The following C4orf36 variants were observed in gnomAD, a reference collection of about 807,000 sequenced individuals.
C4orf36 encodes the protein chromosome 4 open reading frame 36, also known as uncharacterized protein C4orf36.
C4orf36 carries 11 observed loss-of-function variants against 12.2 expected under a neutral mutation model. The observed-to-expected ratio is 0.90, with a 90% CI of 0.57 to 1.49. The LOEUF is 1.49. Among genes scored for constraint, C4orf36 ranks in the 40% most tolerant of loss-of-function variants. The pLI, the probability that C4orf36 is intolerant of heterozygous loss-of-function variation, is 0.00. For missense variants in C4orf36, 137 were observed against 133.9 expected, an observed-to-expected ratio of 1.02 and a Z score of -0.11; for synonymous variants, 54 against 51.3, an observed-to-expected ratio of 1.05 and a Z score of -0.22.
At chr4:86,931,717 A>G in the C4orf36 span, among the ~76,000 whole-genome samples, 1 of 152,116 alleles carries the variant, frequency 6.6e-6, no homozygotes, top group Non-Finnish European at 1.5e-5. Flanking sequence ...TCTATTTTTA[A>G]TCATAAGTAT....
chr4:86,908,723 G>T, the C4orf36 span, among the ~76,000 whole-genome samples: 33 of 150,340 alleles, frequency 2.2e-4, no homozygotes, highest in African/African-American at 8.1e-4. Context: ...TATGCTAGAA[G>T]CTGTGATAAC....
At chr4:86,897,923 C>T in the C4orf36 span, among the ~76,000 whole-genome samples, 3 of 152,116 alleles carry the variant, frequency 2.0e-5, no homozygotes, top group Non-Finnish European at 4.4e-5. Flanking sequence ...CAGGCAAGCA[C>T]AAAGCATTAG....
At chr4:86,878,253 C>T (rs1207385596) in intron 4 of C4orf36, among the ~76,000 whole-genome samples, 1 of 152,156 alleles carries the variant, frequency 6.6e-6, no homozygotes, top group Non-Finnish European at 1.5e-5. Flanking sequence ...TCCCCTTCTC[C>T]AGTCTCTGCA....
the C4orf36 span, among the ~76,000 whole-genome samples, chr4:86,910,100 T>C: frequency 2.0e-5 from 3 of 152,166 alleles, no homozygotes; most frequent in Non-Finnish European, 4.4e-5. Context: ...TGCTTCTCTC[T>C]GTGCACTTGC....
chr4:86,899,108 T>C, the C4orf36 span, among the ~76,000 whole-genome samples: 1 of 152,122 alleles, frequency 6.6e-6, no homozygotes, highest in Non-Finnish European at 1.5e-5. Context: ...AATACAGAAC[T>C]TCTCTCGCTG....
At chr4:86,932,345 A>AT in the C4orf36 span, 1 of 90,254 alleles carries the variant, frequency 1.1e-5, no homozygotes, top group African/African-American at 4.1e-5. Context: ...GAAACTTCAT[A>AT]TCAAAAAAAA....
chr4:86,876,528 T>C, intron 4 of C4orf36, 85 bp from the exon 5 acceptor site: 7 of 1,613,926 alleles, frequency 4.3e-6, no homozygotes, highest in Non-Finnish European at 5.9e-6. Flanking sequence ...AATGTCGGAT[T>C]GTGTGAAGCT....
chr4:86,895,272 C>T (rs980530130), upstream of C4orf36, among the ~76,000 whole-genome samples: 3 of 151,954 alleles, frequency 2.0e-5, no homozygotes, highest in South Asian at 2.1e-4. Context: ...GCCATGATCA[C>T]GACTGCACTC....
intron 4 of C4orf36, among the ~76,000 whole-genome samples, chr4:86,880,206 C>T (rs1747018417): frequency 6.6e-6 from 1 of 152,124 alleles, no homozygotes; most frequent in African/African-American, 2.4e-5. Context: ...AGTGTGGTGG[C>T]TCCCACCAAT....
chr4:86,902,757 CT>C, the C4orf36 span, among the ~76,000 whole-genome samples: 6 of 152,208 alleles, frequency 3.9e-5, no homozygotes, highest in Non-Finnish European at 8.8e-5. Flanking sequence ...CCCCCTTACC[CT>C]GCTCTAATCT....
upstream of C4orf36, among the ~76,000 whole-genome samples, chr4:86,892,955 C>A (rs1747486063): frequency 1.3e-5 from 2 of 152,182 alleles, no homozygotes; most frequent in South Asian, 4.1e-4. Flanking sequence ...GATGTCAGAA[C>A]TGGTTTGGAA....
intron 4 of C4orf36, 157 bp downstream of exon 4, chr4:86,887,601 T>A: frequency 1.4e-6 from 1 of 701,448 alleles, no homozygotes; most frequent in East Asian, 2.7e-5. Context: ...ACTCAGAAGA[T>A]CTGTCAGAAC....
the C4orf36 span, chr4:86,913,810 C>G: frequency 3.8e-6 from 4 of 1,040,800 alleles, no homozygotes; most frequent in South Asian, 4.1e-5. Flanking sequence ...TGCATACTGA[C>G]TGGCTTTTCA....
chr4:86,913,161 G>T, the C4orf36 span: 1 of 364,454 alleles, frequency 2.7e-6, no homozygotes, highest in Non-Finnish European at 5.2e-6. Flanking sequence ...TGTTCTCAGT[G>T]TTTCCTTGGG....
upstream of C4orf36, among the ~76,000 whole-genome samples, chr4:86,892,697 C>T (rs567132358): frequency 9.8e-5 from 15 of 152,374 alleles, no homozygotes; most frequent in African/African-American, 3.1e-4. Flanking sequence ...TGTACCCAGT[C>T]CTGGCTGCTG....
In C4orf36 at chr4:86,892,280, A is replaced by T; in HGVS notation, c.-171T>A. ...GCGAGCCGGCGCCGGCGGCCTGGTT[A>T]CCCGGGCTCCAGGGGCTCGGAGGGT... On this transcript the variant is annotated 5_prime_UTR_variant, in exon 1 of 5. Coordinates refer to ENST00000295898, the MANE Select transcript of C4orf36 (RefSeq NM_144645.4). The T allele has an allele frequency of 2.0e-6, 2 of 985,714 alleles. No homozygotes were observed. Among genetic ancestry groups the T allele is most frequent in the Non-Finnish European group, 1.2e-6 (1 of 830,194 alleles). 61.1% of individuals were successfully genotyped at this position (985,714 alleles called of 1,614,324 possible).
chr4:86,881,690 T>TG (rs1747058982), intron 4 of C4orf36, among the ~76,000 whole-genome samples: 1 of 152,110 alleles, frequency 6.6e-6, no homozygotes, highest in African/African-American at 2.4e-5. Flanking sequence ...TTTTTTTTTT[T>TG]GAGATGGAGT....
the C4orf36 span, among the ~76,000 whole-genome samples, chr4:86,909,893 TAAAAAAAAAAAA>T: frequency 5.5e-5 from 4 of 73,298 alleles, no homozygotes; most frequent in African/African-American, 9.8e-5. Context: ...GAGGAAGACT[TAAAAAAAAAAAA>T]AAAAAAAAAA....
At chr4:86,927,731 G>A in the C4orf36 span, among the ~76,000 whole-genome samples, 1 of 151,962 alleles carries the variant, frequency 6.6e-6, no homozygotes, top group East Asian at 1.9e-4. Context: ...CCCGGGAGGT[G>A]GAGGTTGCAG....
Sources: gnomAD v4.1 joint callset for allele counts (sites outside exome capture counted in the v4.1 genomes callset) on GRCh38, gnomAD v4.1.1 for gene constraint, MANE v1.5 for transcripts, NCBI Gene and HGNC (gene_info 2026-07-23, HGNC 2026-07-21) for gene names.